Variants in PKHD1 observed in about 807,000 individuals in gnomAD.
PKHD1 encodes the protein PKHD1 ciliary IPT domain containing fibrocystin/polyductin, also known as fibrocystin.
In PKHD1, 291 loss-of-function variants were observed where a neutral mutation model predicts 412.0. That is an observed-to-expected ratio of 0.71 (90% CI 0.64 to 0.78). The LOEUF (loss-of-function observed/expected upper bound fraction) is 0.78, where lower values mean the gene tolerates loss of function less well. PKHD1 is among the 30% of genes least tolerant of loss of function. PKHD1 has a pLI of 0.00. For missense variants in PKHD1, 4,825 were observed against 4,950.7 expected (o/e 0.97, Z 0.76); for synonymous variants, 1,777 against 1,821.5 (o/e 0.98, Z 0.62).
chr6:51,910,690 G>A (rs1480765998), intron 39 of PKHD1, among the ~76,000 whole-genome samples: 4 of 152,132 alleles, frequency 2.6e-5, no homozygotes, highest in African/African-American at 9.7e-5. Flanking sequence ...TATGATCTCA[G>A]AATACCAAGG....
rs774815538 is a variant in PKHD1, at chr6:52,054,185, C to T, written c.1837-20G>A. 2.4e-5 allele frequency: 39 copies of T among 1,612,660 alleles called. No individual in the cohort carries two copies. The South Asian group carries it at 3.6e-4, about 15-fold the overall frequency. ...ACACAGCTATGGACACCAAATAAGT[C>T]CTTCAGTTCTATTAGTGCAAGAAGC... On this transcript the variant is annotated intron_variant, in intron 19 of 66. Coordinates refer to ENST00000371117, the MANE Select transcript of PKHD1 (RefSeq NM_138694.4).
chr6:51,872,362 GA>G (rs1776110575), intron 46 of PKHD1, among the ~76,000 whole-genome samples: 1 of 148,482 alleles, frequency 6.7e-6, no homozygotes, highest in Admixed American at 6.7e-5. Flanking sequence ...CTTTCAGAGA[GA>G]AAAAAAATAA....
intron 36 of PKHD1, among the ~76,000 whole-genome samples, chr6:51,945,032 T>G (rs773526674): frequency 3.3e-5 from 5 of 152,228 alleles, no homozygotes; most frequent in Non-Finnish European, 7.3e-5. Context: ...CCCTAACAAT[T>G]TTGACTTTTT....
At chr6:51,919,386 A>G (rs1212306425) in intron 37 of PKHD1, among the ~76,000 whole-genome samples, 3 of 152,184 alleles carry the variant, frequency 2.0e-5, no homozygotes, top group African/African-American at 7.2e-5. Context: ...TAAATAGGGA[A>G]TCCTTTCCCC....
chr6:51,765,672 G>A (rs1314039973), intron 55 of PKHD1, among the ~76,000 whole-genome samples: 1 of 151,994 alleles, frequency 6.6e-6, no homozygotes, highest in Non-Finnish European at 1.5e-5. Flanking sequence ...TTCCTTACCA[G>A]CATATTTTAT....
intron 29 of PKHD1, among the ~76,000 whole-genome samples, chr6:52,031,666 G>T (rs1375308583): frequency 1.3e-5 from 2 of 152,204 alleles, no homozygotes; most frequent in East Asian, 3.9e-4. Context: ...TCCCTCTTAT[G>T]CTTTTATTTT....
At chr6:51,701,537 A>G (rs1323107393) in intron 60 of PKHD1, among the ~76,000 whole-genome samples, 1 of 152,112 alleles carries the variant, frequency 6.6e-6, no homozygotes, top group East Asian at 1.9e-4. Flanking sequence ...GTTAAATTCC[A>G]GTATGATAAA....
At chr6:51,923,783 A>G (rs771335518) in intron 37 of PKHD1, among the ~76,000 whole-genome samples, 3 of 152,218 alleles carry the variant, frequency 2.0e-5, no homozygotes, top group African/African-American at 4.8e-5. Flanking sequence ...ATCTCAAAAT[A>G]AGCTGAAAAA....
At chr6:51,835,521 T>A (rs1294789144) in intron 51 of PKHD1, among the ~76,000 whole-genome samples, 4 of 152,102 alleles carry the variant, frequency 2.6e-5, no homozygotes, top group African/African-American at 9.7e-5. Context: ...CATCATGGTA[T>A]CCCCCACACC....
At chr6:52,068,093 T>C (rs535775636) in intron 11 of PKHD1, among the ~76,000 whole-genome samples, 1 of 152,190 alleles carries the variant, frequency 6.6e-6, no homozygotes, top group Non-Finnish European at 1.5e-5. Context: ...AAATTTTAGA[T>C]GAATTCCAAG....
In PKHD1 at chr6:51,748,294, C is replaced by T; in HGVS notation, c.9322G>A (p.Gly3108Ser). 3.1e-6 allele frequency: 5 copies of T among 1,613,998 alleles called. No homozygotes were observed. The highest frequency in any genetic ancestry group is 3.4e-6 in the Non-Finnish European group (4 of 1,179,948). The stretch of plus-strand genomic sequence containing the variant: ...AGTTCACAAGAGGAGCACTTGTGGC[C>T]TCGGATGTGAAAGCCAAGTCTCTCT... ...GSERLGFHIR[G>S]HKCSSCELLW... The change falls in exon 58 of 67, where the codon GGC becomes AGC. Residue 3108 changes from glycine to serine, a missense_variant. Transcript: ENST00000371117.
At chr6:52,026,744 G>A (rs1802255138) in intron 31 of PKHD1, among the ~76,000 whole-genome samples, 1 of 152,018 alleles carries the variant, frequency 6.6e-6, no homozygotes, top group East Asian at 1.9e-4. Context: ...GACATTAAAA[G>A]TCATTGAATC....
chr6:52,085,838 A>G (rs996140018), intron 1 of PKHD1, among the ~76,000 whole-genome samples: 10 of 151,962 alleles, frequency 6.6e-5, no homozygotes, highest in Admixed American at 2.0e-4. Flanking sequence ...TGAGATGAAC[A>G]GCTTTCACTC....
intron 50 of PKHD1, among the ~76,000 whole-genome samples, chr6:51,837,331 C>T (rs1769404316): frequency 6.6e-6 from 1 of 152,212 alleles, no homozygotes; most frequent in Non-Finnish European, 1.5e-5. Context: ...GCCAAATTCA[C>T]ATTCTCCACT....
At chr6:51,711,933 T>A (rs970091769) in intron 60 of PKHD1, among the ~76,000 whole-genome samples, 2 of 152,208 alleles carry the variant, frequency 1.3e-5, no homozygotes, top group Non-Finnish European at 1.5e-5. Context: ...TACATGGTTT[T>A]GGAAGTAATG....
intron 60 of PKHD1, among the ~76,000 whole-genome samples, chr6:51,739,062 G>T (rs931419165): frequency 6.9e-6 from 1 of 145,336 alleles, no homozygotes; most frequent in Admixed American, 6.9e-5. Context: ...TTATATATAC[G>T]TATTTTATAT....
intron 36 of PKHD1, among the ~76,000 whole-genome samples, chr6:51,939,901 C>T (rs1561936008): frequency 6.6e-6 from 1 of 151,538 alleles, no homozygotes; most frequent in Non-Finnish European, 1.5e-5. Context: ...TTTATCACCT[C>T]CCTCATCACA....
At chr6:51,760,858 T>C (rs1787882723) in intron 55 of PKHD1, among the ~76,000 whole-genome samples, 1 of 152,080 alleles carries the variant, frequency 6.6e-6, no homozygotes, top group Non-Finnish European at 1.5e-5. Flanking sequence ...TTCTTCCTTG[T>C]AAATAACAGA....
At position 51,959,905 on chromosome 6, in the gene PKHD1, G is replaced by C; in HGVS notation, c.5873C>G (p.Thr1958Ser). The C allele has an allele frequency of 6.2e-7, 1 of 1,613,528 alleles. No individual in the cohort carries two copies. The highest frequency in any genetic ancestry group is 8.5e-7 in the Non-Finnish European group (1 of 1,179,578). ...VENGQLLLLD[T>S]NTSILNLLHI... is the part of the protein sequence containing the mutation. ...CAGTAAGTTGAGGATGCTTGTGTTAGTGTCCAGCAGAAGCAATTGGCCATT... is the reference window on the plus strand; with the variant it reads ...CAGTAAGTTGAGGATGCTTGTGTTACTGTCCAGCAGAAGCAATTGGCCATT... Residue 1958 changes from threonine to serine, a missense_variant, in exon 36 of 67, where the codon ACT becomes AGT. Thr to Ser is a moderately conservative substitution (Grantham distance 58). Transcript: ENST00000371117.
Sources: allele counts gnomAD v4.1 joint callset (sites outside exome capture counted in the v4.1 genomes callset), GRCh38; gene constraint gnomAD v4.1.1; transcripts MANE v1.5; gene names NCBI Gene and HGNC (gene_info 2026-07-23, HGNC 2026-07-21).